TBC1D5: variants seen among roughly 807,000 people sequenced by gnomAD.
TBC1D5 encodes TBC1 domain family member 5.
A neutral mutation model predicts 100.3 loss-of-function variants in TBC1D5; 75 were observed. The ratio of observed to expected loss-of-function variants is 0.75; its 90% CI spans 0.62 to 0.91. The LOEUF (loss-of-function observed/expected upper bound fraction) is 0.91, where lower values mean the gene tolerates loss of function less well. Among genes scored for constraint, TBC1D5 ranks in the 40% least tolerant of loss-of-function variants. TBC1D5 has a pLI of 0.00. For missense variants in TBC1D5, 910 were observed against 942.4 expected (o/e 0.97, Z 0.45); for synonymous variants, 323 against 325.6 (o/e 0.99, Z 0.09).
At chr3:17,555,229 A>G (rs1033720383) in intron 2 of TBC1D5, among the ~76,000 whole-genome samples, 1 of 152,204 alleles carries the variant, frequency 6.6e-6, no homozygotes, top group Non-Finnish European at 1.5e-5. Flanking sequence ...ACAAGTCTCA[A>G]TCAATTTAGA....
At chr3:17,223,930 C>A (rs1218059960) in intron 17 of TBC1D5, among the ~76,000 whole-genome samples, 3 of 147,546 alleles carry the variant, frequency 2.0e-5, no homozygotes, top group African/African-American at 5.0e-5. Flanking sequence ...CAAAACAAAA[C>A]AAACAAACAA....
intron 1 of TBC1D5, among the ~76,000 whole-genome samples, chr3:17,691,372 C>T (rs1168574135): frequency 6.6e-6 from 1 of 152,200 alleles, no homozygotes. Flanking sequence ...ACTGTAACCA[C>T]AAAGTGGCCT....
chr3:17,452,531 A>T (rs1408191888), intron 3 of TBC1D5, among the ~76,000 whole-genome samples: 1 of 152,190 alleles, frequency 6.6e-6, no homozygotes, highest in African/African-American at 2.4e-5. Flanking sequence ...AAAAGTAGTT[A>T]TACTTACATC....
intron 3 of TBC1D5, among the ~76,000 whole-genome samples, chr3:17,443,237 G>A (rs1029471455): frequency 1.3e-5 from 2 of 151,962 alleles, no homozygotes; most frequent in African/African-American, 2.4e-5. Context: ...AAATTATCAG[G>A]CCAGAGAGGC....
intron 13 of TBC1D5, among the ~76,000 whole-genome samples, chr3:17,339,719 G>C (rs1211940425): frequency 1.3e-5 from 2 of 152,162 alleles, no homozygotes; most frequent in Non-Finnish European, 2.9e-5. Flanking sequence ...ACTGCCTACA[G>C]TATTTTTGCA....
chr3:17,385,629 T>C (rs192892646), intron 8 of TBC1D5, among the ~76,000 whole-genome samples: 481 of 152,206 alleles, frequency 3.2e-3, no homozygotes, highest in Non-Finnish European at 5.6e-3. Context: ...TTTACATTCA[T>C]CTGTTCATTT....
chr3:17,670,012 A>C (rs1193697805), intron 1 of TBC1D5, among the ~76,000 whole-genome samples: 1 of 152,070 alleles, frequency 6.6e-6, no homozygotes, highest in African/African-American at 2.4e-5. Context: ...CAGCCTCCCA[A>C]ATAGCTGGGA....
intron 17 of TBC1D5, 75 bp downstream of exon 17, chr3:17,238,088 T>A (rs2076011160): frequency 6.6e-7 from 1 of 1,526,496 alleles, no homozygotes; most frequent in South Asian, 1.3e-5. Flanking sequence ...GGAGATTGGT[T>A]CCTCACAGGC....
At chr3:17,595,186 A>G (rs1425119681) in intron 2 of TBC1D5, among the ~76,000 whole-genome samples, 1 of 152,182 alleles carries the variant, frequency 6.6e-6, no homozygotes, top group Non-Finnish European at 1.5e-5. Flanking sequence ...CAAGCAGCCT[A>G]TTGTGGGACC....
At chr3:17,227,895 C>G (rs2075065769) in intron 17 of TBC1D5, among the ~76,000 whole-genome samples, 1 of 150,640 alleles carries the variant, frequency 6.6e-6, no homozygotes, top group Non-Finnish European at 1.5e-5. Flanking sequence ...TTGCTGGTAC[C>G]CTAAACATGA....
chr3:17,742,016 A>G (rs572323907), upstream of TBC1D5, among the ~76,000 whole-genome samples: 196 of 152,138 alleles, frequency 1.3e-3, 1 homozygote, highest in African/African-American at 4.4e-3. Context: ...CCCGGGGCCC[A>G]AATGAACATG....
intron 13 of TBC1D5, among the ~76,000 whole-genome samples, chr3:17,319,851 C>T (rs750311812): frequency 2.9e-4 from 44 of 151,820 alleles, no homozygotes; most frequent in Non-Finnish European, 3.4e-4. Flanking sequence ...GCCTGGGCGA[C>T]ACAGCGAGAC....
chr3:17,673,311 C>CAT (rs746420537), intron 1 of TBC1D5, among the ~76,000 whole-genome samples: 5 of 125,982 alleles, frequency 4.0e-5, no homozygotes, highest in Non-Finnish European at 8.2e-5. Context: ...CTTTTCTTTT[C>CAT]TTTTTTTTTT....
At chr3:17,521,643 G>GT (rs1178411467) in intron 2 of TBC1D5, among the ~76,000 whole-genome samples, 2 of 152,166 alleles carry the variant, frequency 1.3e-5, no homozygotes, top group African/African-American at 4.8e-5. Context: ...AGTGAAGAAC[G>GT]TAAGTGCATA....
chr3:17,308,235 G>A (rs2083606083), intron 13 of TBC1D5, 101 bp from the exon 14 acceptor site: 1 of 1,130,408 alleles, frequency 8.8e-7, no homozygotes, highest in African/African-American at 1.6e-5. Context: ...TGAACACAGT[G>A]AGCAAATATT....
At chr3:17,486,712 T>C (rs896025146) in intron 3 of TBC1D5, among the ~76,000 whole-genome samples, 6 of 152,188 alleles carry the variant, frequency 3.9e-5, no homozygotes, top group Non-Finnish European at 8.8e-5. Context: ...CAGCACACTG[T>C]GGCATTTTAA....
intron 2 of TBC1D5, among the ~76,000 whole-genome samples, chr3:17,604,886 G>A (rs992939689): frequency 1.3e-5 from 2 of 152,206 alleles, no homozygotes; most frequent in South Asian, 2.1e-4. Context: ...ATGTTGGCCA[G>A]GCTGGACTCC....
intron 13 of TBC1D5, among the ~76,000 whole-genome samples, chr3:17,324,075 A>G (rs2085769608): frequency 6.6e-6 from 1 of 152,192 alleles, no homozygotes; most frequent in African/African-American, 2.4e-5. Flanking sequence ...TGGCAAATGG[A>G]TGGTCTTTTT....
At chr3:17,522,780 C>T (rs1056834888) in intron 2 of TBC1D5, among the ~76,000 whole-genome samples, 2 of 151,958 alleles carry the variant, frequency 1.3e-5, no homozygotes, top group Non-Finnish European at 2.9e-5. Context: ...CATTGAGTAC[C>T]GTAATAGAAT....
Sources: allele counts gnomAD v4.1 joint callset (sites outside exome capture counted in the v4.1 genomes callset), GRCh38; gene constraint gnomAD v4.1.1; transcripts MANE v1.5; gene names NCBI Gene and HGNC (gene_info 2026-07-23, HGNC 2026-07-21).